KDM1B: variants seen among roughly 807,000 people sequenced by gnomAD.
KDM1B encodes lysine-specific histone demethylase 2.
A neutral mutation model predicts 107.4 loss-of-function variants in KDM1B; 63 were observed. The observed-to-expected ratio is 0.59, with a 90% CI of 0.48 to 0.72. KDM1B has a LOEUF of 0.72. Ranked by LOEUF, KDM1B falls within the 30% of genes least tolerant of loss-of-function variation. The pLI is 0.00. For synonymous variants in KDM1B, 363 were observed against 363.9 expected, an observed-to-expected ratio of 1.00 and a Z score of 0.03; for missense variants, 749 against 1,020.8, an observed-to-expected ratio of 0.73 and a Z score of 3.63.
At position 18,221,936 on chromosome 6, in the gene KDM1B, G is replaced by A. The variant is rs1485925336; in HGVS notation, c.2413G>A (p.Val805Ile). 1.2e-6 allele frequency: 2 copies of A among 1,612,556 alleles called. No homozygotes were observed. The highest frequency in any genetic ancestry group is 1.7e-6 in the Non-Finnish European group (2 of 1,178,966). The change falls in exon 22 of 22, where the codon GTT becomes ATT. Residue 805 changes from valine to isoleucine, a missense_variant. Physicochemically the swap from Val to Ile is conservative, Grantham distance 29. Coordinates refer to ENST00000650836, the MANE Select transcript of KDM1B (RefSeq NM_001364614.2). Reference protein sequence around the residue: ...EATNRHFPQTVTGAYLSGVRE... With the variant: ...EATNRHFPQTITGAYLSGVRE... ...AACAAACAGGCATTTCCCACAAACT[G>A]TTACAGGGGCATATTTGAGTGGCGT...
intron 7 of KDM1B, among the ~76,000 whole-genome samples, chr6:18,177,336 T>C (rs1256526917): frequency 6.6e-6 from 1 of 152,034 alleles, no homozygotes; most frequent in African/African-American, 2.4e-5. Context: ...AATGAAGTTA[T>C]TTGGATTTTC....
In KDM1B at chr6:18,159,150, T is replaced by C. The variant is rs1784813199; in HGVS notation, c.-13-733T>C. 6.6e-6 allele frequency among the ~76,000 whole-genome samples: 1 copy of C among 152,102 alleles called. No homozygotes were observed. The highest frequency in any genetic ancestry group is 2.1e-4 in the South Asian group (1 of 4,834). ...GCCTGGCTAATTTTTGTATTTTTAG[T>C]ACAGACGGGGTTTCACAATGTTGGT... On this transcript the variant is annotated intron_variant, in intron 2 of 21. Transcript: ENST00000650836. The surrounding 1 kb of genome is among the most constrained non-coding windows in gnomAD (Gnocchi z 4.5).
At position 18,201,387 on chromosome 6, in the gene KDM1B, C is replaced by CA. The variant is rs1788020585; in HGVS notation, c.1360-98dup. ...GCTTTATTTTTGAGAGATATGAGAC[C>CA]ATTTTCTCCATGAGAGCTCTGTCTG... On this transcript the variant is annotated intron_variant, in intron 13 of 21. Coordinates refer to ENST00000650836, the MANE Select transcript of KDM1B (RefSeq NM_001364614.2). This position sits in a 1 kb window ranked among gnomAD's most constrained non-coding sequence, Gnocchi z 4.3. 1.2e-6 allele frequency: 1 copy of CA among 832,176 alleles called. No homozygotes were observed. Among genetic ancestry groups the CA allele is most frequent in the Non-Finnish European group, 1.9e-6 (1 of 539,182 alleles). The allele number at this position is 832,176 out of a possible 1,614,324, so 51.5% of individuals were successfully genotyped here. A position where few individuals can be genotyped will look rare whatever the true frequency, so the allele number is the denominator to read the frequency against.
chr6:18,163,071 G>A (rs1158090317), intron 5 of KDM1B, 147 bp downstream of exon 5: 6 of 593,202 alleles, frequency 1.0e-5, no homozygotes, highest in South Asian at 4.2e-5. Flanking sequence ...TAACTTGGAC[G>A]AGAACTTTGA....
intron 6 of KDM1B, among the ~76,000 whole-genome samples, chr6:18,169,905 A>T (rs12204915): frequency 0.31 from 47,277 of 151,878 alleles, 7,863 homozygotes; most frequent in East Asian, 0.52. Flanking sequence ...TCTTTTTAAA[A>T]TTATTTATTT....
At chr6:18,175,083 T>C (rs912743878) in intron 7 of KDM1B, among the ~76,000 whole-genome samples, 1 of 152,190 alleles carries the variant, frequency 6.6e-6, no homozygotes, top group African/African-American at 2.4e-5. Flanking sequence ...ATAGTGGCTG[T>C]ACTAGTTTAC....
In KDM1B at chr6:18,201,548, A is replaced by G; in HGVS notation, c.1422A>G (p.Ile474Met). Residue 474 changes from isoleucine to methionine, a missense_variant, in exon 14 of 22, where the codon ATA becomes ATG. By Grantham distance (10) the Ile-to-Met change is conservative. Coordinates refer to ENST00000650836, the MANE Select transcript of KDM1B (RefSeq NM_001364614.2). The surrounding 1 kb of genome is among the most constrained non-coding windows in gnomAD (Gnocchi z 4.3). ...ACTTAATTCAGGAAGGTGGAAGAAT[A>G]ACTGACCCCACTATTGACAAGCGCA... ...RCDLIQEGGR[I>M]TDPTIDKRMD... The G allele has an allele frequency of 6.5e-7, 1 of 1,550,348 alleles. No individual in the cohort carries two copies. Among genetic ancestry groups the G allele is most frequent in the Non-Finnish European group, 8.7e-7 (1 of 1,146,772 alleles).
At chr6:18,165,609 G>A (rs190469501) in intron 5 of KDM1B, among the ~76,000 whole-genome samples, 120 of 152,222 alleles carry the variant, frequency 7.9e-4, no homozygotes, top group Non-Finnish European at 1.4e-3. Flanking sequence ...GATCTCTTGA[G>A]GTTAGGAGTT....
chr6:18,181,165 G>GA (rs899957266), intron 7 of KDM1B, among the ~76,000 whole-genome samples: 4 of 152,090 alleles, frequency 2.6e-5, no homozygotes, highest in Non-Finnish European at 4.4e-5. Flanking sequence ...AAAGATAGCA[G>GA]AAAAAAATTC....
chr6:18,197,598 C>T lies in KDM1B; in HGVS notation c.1158C>T (p.Ile386=), dbSNP rs754993941. 1 of 1,613,578 alleles carries T rather than the reference C, an allele frequency of 6.2e-7. No homozygotes were observed. Among genetic ancestry groups the T allele is most frequent in the Non-Finnish European group, 8.5e-7 (1 of 1,179,558 alleles). ...LPKDYHNKSV[I]IIGAGPAGLA... ...CTTTTCTTTTTAAGAAATCAGTCAT[C>T]ATTATCGGGGCTGGTCCAGCAGGAT... The change falls in exon 12 of 22, where the codon ATC becomes ATT. Residue 386 remains isoleucine, a synonymous_variant. Transcript: ENST00000650836. The surrounding 1 kb of genome is among the most constrained non-coding windows in gnomAD (Gnocchi z 4.5).
In KDM1B at chr6:18,207,454, C is replaced by T; in HGVS notation, c.1716C>T (p.His572=). The stretch of plus-strand genomic sequence containing the variant: ...TCTTTGCCCAGTTTGCTGGTGACCA[C>T]ACTCTGCTAACTCCCGGGTACTCGG... ...NEFFAQFAGD[H]TLLTPGYSVI... is the part of the protein sequence containing the mutation. Residue 572 remains histidine (H), a synonymous_variant, in exon 16 of 22, where the codon CAC becomes CAT. Transcript: ENST00000650836. 1.2e-6 allele frequency: 2 copies of T among 1,614,198 alleles called. No homozygotes were observed.
intron 10 of KDM1B, among the ~76,000 whole-genome samples, chr6:18,193,733 G>A (rs913717673): frequency 3.3e-5 from 5 of 152,092 alleles, no homozygotes; most frequent in African/African-American, 1.2e-4. Flanking sequence ...GTGACAAGGA[G>A]CAGAGGAGAG....
In KDM1B at chr6:18,200,348, TATTTAA is replaced by T; in HGVS notation, c.1222-90_1222-85del. 2.5e-6 allele frequency: 3 copies of T among 1,213,326 alleles called. No individual in the cohort carries two copies. Among genetic ancestry groups the T allele is most frequent in the Non-Finnish European group, 3.5e-6 (3 of 867,622 alleles). The allele number at this position is 1,213,326 out of a possible 1,614,324, so 75.2% of individuals were successfully genotyped here. A position where few individuals can be genotyped will look rare whatever the true frequency, so the allele number is the denominator to read the frequency against. ...TTTGGAATTAACCAAATATAGAGGC[TATTTAA>T]CAGTGTCCTTCTACATTTTTATAAT... is the stretch of plus-strand genomic sequence containing the variant. On this transcript the variant is annotated intron_variant, in intron 12 of 21. Coordinates refer to ENST00000650836, the MANE Select transcript of KDM1B (RefSeq NM_001364614.2). This position sits in a 1 kb window ranked among gnomAD's most constrained non-coding sequence, Gnocchi z 4.3.
chr6:18,165,205 C>G (rs1484548309), intron 5 of KDM1B, among the ~76,000 whole-genome samples: 10 of 135,264 alleles, frequency 7.4e-5, no homozygotes, highest in Admixed American at 6.7e-4. Flanking sequence ...GTAATCTCGG[C>G]TCACTGCAAG....
Position 18,222,196 on chromosome 6 carries a change from G to A in KDM1B, c.*204G>A. 1.5e-6 allele frequency: 1 copy of A among 672,766 alleles called. No individual in the cohort carries two copies. The highest frequency in any genetic ancestry group is 2.0e-5 in the Admixed American group (1 of 49,040). 41.7% of individuals were successfully genotyped at this position (672,766 alleles called of 1,614,324 possible). A position where few individuals can be genotyped will look rare whatever the true frequency, so the allele number is the denominator to read the frequency against. The stretch of plus-strand genomic sequence containing the variant: ...ACCTTATAAGCACTTAGATTTAATT[G>A]CATTTTCCATAGGTTCAACTACTGC... On this transcript the variant is annotated 3_prime_UTR_variant, in exon 22 of 22. Transcript: ENST00000650836.
chr6:18,198,043 T>C (rs1787767070), intron 12 of KDM1B, among the ~76,000 whole-genome samples: 1 of 151,570 alleles, frequency 6.6e-6, no homozygotes, highest in African/African-American at 2.4e-5. Flanking sequence ...ATTACAGATG[T>C]GTGCCATCAT....
rs1205521635 is a variant in KDM1B, at chr6:18,204,657, A to G, written c.1532-880A>G. ...CTGCTATAAAGGAATGTAAGACAAA[A>G]ATGATATCACAGGGCTGTGTCCATA... On this transcript the variant is annotated intron_variant, in intron 14 of 21. Coordinates refer to ENST00000650836, the MANE Select transcript of KDM1B (RefSeq NM_001364614.2). This position sits in a 1 kb window ranked among gnomAD's most constrained non-coding sequence, Gnocchi z 4.9. 6.6e-6 allele frequency among the ~76,000 whole-genome samples: 1 copy of G among 152,214 alleles called. No homozygotes were observed. Among genetic ancestry groups the G allele is most frequent in the Non-Finnish European group, 1.5e-5 (1 of 68,050 alleles).
intron 7 of KDM1B, among the ~76,000 whole-genome samples, chr6:18,180,894 C>T (rs1397281227): frequency 1.3e-5 from 2 of 152,200 alleles, no homozygotes; most frequent in East Asian, 1.9e-4. Context: ...ACATTTTGTT[C>T]TGTGCTTTGA....
chr6:18,198,253 C>T (rs753033636), intron 12 of KDM1B, among the ~76,000 whole-genome samples: 1 of 151,832 alleles, frequency 6.6e-6, no homozygotes, highest in Middle Eastern at 3.2e-3. Flanking sequence ...AGAAAAAGCC[C>T]GTTTCCGCAG....
Sources: gnomAD v4.1 joint callset for allele counts (sites outside exome capture counted in the v4.1 genomes callset) on GRCh38, gnomAD v4.1.1 for gene constraint, Gnocchi (gnomAD v3.1) non-coding constraint, MANE v1.5 for transcripts, NCBI Gene and HGNC (gene_info 2026-07-23, HGNC 2026-07-21) for gene names.